Variants in PCDHA7 observed in about 807,000 individuals in gnomAD.
PCDHA7 encodes protocadherin alpha-7.
In PCDHA7, 37 loss-of-function variants were observed where a neutral mutation model predicts 57.2. That is an observed-to-expected ratio of 0.65 (90% CI 0.50 to 0.85). The LOEUF (loss-of-function observed/expected upper bound fraction) is 0.85. Among genes scored for constraint, PCDHA7 ranks in the 40% least tolerant of loss-of-function variants. The pLI, the probability that PCDHA7 is intolerant of heterozygous loss-of-function variation, is 0.00. For synonymous variants in PCDHA7, 553 were observed against 558.8 expected, an observed-to-expected ratio of 0.99 and a Z score of 0.15; for missense variants, 1,188 against 1,241.8, an observed-to-expected ratio of 0.96 and a Z score of 0.65.
chr5:140,923,062 A>G (rs548165193), intron 1 of PCDHA7, among the ~76,000 whole-genome samples: 1 of 152,372 alleles, frequency 6.6e-6, no homozygotes, highest in African/African-American at 2.4e-5. Context: ...TAAAAGAGCT[A>G]GGTCTCCTCA....
intron 1 of PCDHA7, among the ~76,000 whole-genome samples, chr5:140,892,669 C>T (rs1361630982): frequency 2.6e-5 from 4 of 152,134 alleles, no homozygotes; most frequent in African/African-American, 9.7e-5. Context: ...CATTTTGATA[C>T]ATATATACAA....
At chr5:140,981,019 T>C (rs1396794400) in intron 2 of PCDHA7, among the ~76,000 whole-genome samples, 1 of 152,124 alleles carries the variant, frequency 6.6e-6, no homozygotes, top group Non-Finnish European at 1.5e-5. Flanking sequence ...ACTTGAAGGC[T>C]GTTAATATTT....
chr5:140,937,229 G>A (rs2091424119), intron 1 of PCDHA7, among the ~76,000 whole-genome samples: 1 of 151,784 alleles, frequency 6.6e-6, no homozygotes, highest in Non-Finnish European at 1.5e-5. Flanking sequence ...TGTAGAGACG[G>A]GGTTTCACCG....
intron 1 of PCDHA7, chr5:140,966,382 G>C (rs1188243032): frequency 5.0e-6 from 2 of 403,766 alleles, no homozygotes; most frequent in Non-Finnish European, 4.3e-6. Flanking sequence ...GTCCGGGTTC[G>C]CTGTCCGCCA....
intron 1 of PCDHA7, chr5:140,841,240 A>C: frequency 6.7e-7 from 1 of 1,487,570 alleles, no homozygotes; most frequent in South Asian, 1.4e-5. Flanking sequence ...GATGCAGCGG[A>C]ATTGGATTAA....
intron 1 of PCDHA7, chr5:140,868,729 T>C (rs1467955446): frequency 5.1e-6 from 1 of 195,146 alleles, no homozygotes; most frequent in African/African-American, 2.3e-5. Flanking sequence ...TTGATGTTAA[T>C]CGAGAAATAC....
intron 1 of PCDHA7, among the ~76,000 whole-genome samples, chr5:140,906,524 G>A (rs1401305370): frequency 2.0e-5 from 3 of 152,156 alleles, no homozygotes; most frequent in Non-Finnish European, 2.9e-5. Context: ...AAATACTCAC[G>A]ACAATTAAAA....
intron 1 of PCDHA7, among the ~76,000 whole-genome samples, chr5:140,921,032 T>A (rs6887800): frequency 0.023 from 3,565 of 152,036 alleles, 50 homozygotes; most frequent in Middle Eastern, 0.034. Context: ...TAGACTGGGG[T>A]GCAGTGGGGC....
At chr5:140,868,600 T>C (rs2050538799) in intron 1 of PCDHA7, 1 of 153,224 alleles carries the variant, frequency 6.5e-6, no homozygotes, top group African/African-American at 2.4e-5. Context: ...CCCTAGTTTT[T>C]CATGAGGCCA....
chr5:140,890,045 T>C (rs1192229071), intron 1 of PCDHA7, among the ~76,000 whole-genome samples: 1 of 152,206 alleles, frequency 6.6e-6, no homozygotes, highest in African/African-American at 2.4e-5. Context: ...TGTAGTGTGT[T>C]GGAGCTGGCT....
rs147995655 is a variant in PCDHA7, at chr5:140,849,740, C to G, written c.2355+13002C>G. 79 of 1,598,306 alleles carry G rather than the reference C, an allele frequency of 4.9e-5. 7 individuals are homozygous for G. In the African/African-American group the frequency reaches 8.5e-4, roughly 17 times the overall value. On this transcript the variant is annotated intron_variant, in intron 1 of 3. Transcript: ENST00000525929. ...TGGTGCTGGACAGAGCTCTGGACCG[C>G]GAGAGTGTGTCCGCCTACGAGCTGG...
intron 1 of PCDHA7, chr5:140,967,992 C>T: frequency 1.2e-6 from 2 of 1,614,250 alleles, no homozygotes; most frequent in Non-Finnish European, 1.7e-6. Flanking sequence ...GCCACACTGC[C>T]TTTCCGACTG....
chr5:140,922,647 A>G (rs568444047), intron 1 of PCDHA7, among the ~76,000 whole-genome samples: 35 of 152,262 alleles, frequency 2.3e-4, no homozygotes, highest in Non-Finnish European at 4.6e-4. Context: ...ATCAAACAGT[A>G]AATATGGCTA....
rs782761972 is a variant in PCDHA7, at chr5:140,927,978, T to C, written c.2356-50971T>C. 9.9e-6 allele frequency: 16 copies of C among 1,614,092 alleles called. No individual in the cohort carries two copies. In the East Asian group the frequency reaches 1.8e-4, roughly 18 times the overall value. ...CCCCTGGCACAGTGATTGCTCTCTTTAGTGTAAAGGATGAAGACCTCGATT... is the reference window on the plus strand; with the variant it reads ...CCCCTGGCACAGTGATTGCTCTCTTCAGTGTAAAGGATGAAGACCTCGATT... On this transcript the variant is annotated intron_variant, in intron 1 of 3. Coordinates refer to ENST00000525929, the MANE Select transcript of PCDHA7 (RefSeq NM_018910.3).
chr5:140,997,866 TG>T (rs1554256038), intron 3 of PCDHA7, among the ~76,000 whole-genome samples: 1 of 152,216 alleles, frequency 6.6e-6, no homozygotes, highest in African/African-American at 2.4e-5. Context: ...TTCTTATGCA[TG>T]CTTGCTAGTA....
intron 1 of PCDHA7, chr5:140,841,784 G>A (rs1777488668): frequency 6.2e-7 from 1 of 1,613,812 alleles, no homozygotes; most frequent in African/African-American, 1.3e-5. Context: ...GTTTCCGCTA[G>A]AGGGCGCGTC....
chr5:140,842,018 C>T, intron 1 of PCDHA7: 1 of 1,613,764 alleles, frequency 6.2e-7, no homozygotes, highest in Non-Finnish European at 8.5e-7. Context: ...GGTCACAGTG[C>T]TGGATGTGAA....
Position 140,857,808 on chromosome 5 carries a change from G to A in PCDHA7, c.2355+21070G>A. ...CTGGTGCTGCGGTCGGTGGTTGCGG[G>A]TCACGTGGTGGCTAAGGTGCGCGCA... On this transcript the variant is annotated intron_variant, in intron 1 of 3. Coordinates refer to ENST00000525929, the MANE Select transcript of PCDHA7 (RefSeq NM_018910.3). The A allele has an allele frequency of 4.4e-6, 7 of 1,597,848 alleles. 1 individual carries two copies. The highest frequency in any genetic ancestry group is 6.0e-6 in the Non-Finnish European group (7 of 1,167,652).
intron 1 of PCDHA7, among the ~76,000 whole-genome samples, chr5:140,912,626 G>A (rs189482006): frequency 6.6e-6 from 1 of 152,190 alleles, no homozygotes; most frequent in East Asian, 1.9e-4. Context: ...CTCTGGATGA[G>A]ACTTTCAGTA....
Sources: gnomAD v4.1 joint callset for allele counts (sites outside exome capture counted in the v4.1 genomes callset) on GRCh38, gnomAD v4.1.1 for gene constraint, MANE v1.5 for transcripts, NCBI Gene and HGNC (gene_info 2026-07-23, HGNC 2026-07-21) for gene names.